FRMD4B: variants seen among roughly 807,000 people sequenced by gnomAD.
The protein encoded by FRMD4B is FERM domain-containing protein 4B.
In FRMD4B, 74 loss-of-function variants were observed where a neutral mutation model predicts 141.5. The observed-to-expected ratio is 0.52, with a 90% CI of 0.43 to 0.63. The LOEUF (loss-of-function observed/expected upper bound fraction) is 0.63. Ranked by LOEUF, FRMD4B falls within the 30% of genes least tolerant of loss-of-function variation. The pLI is 0.00. For synonymous variants in FRMD4B, 506 were observed against 467.9 expected (o/e 1.08, Z -1.05); for missense variants, 1,366 against 1,253.4 (o/e 1.09, Z -1.36).
At chr3:69,172,048 C>G in intron 22 of FRMD4B, 67 bp from the exon 23 acceptor site, 1 of 1,493,622 alleles carries the variant, frequency 6.7e-7, no homozygotes, top group Non-Finnish European at 9.3e-7. Flanking sequence ...ACAAAGACTA[C>G]TACATTTAAA....
intron 10 of FRMD4B, among the ~76,000 whole-genome samples, chr3:69,217,791 A>G (rs2093156397): frequency 6.6e-6 from 1 of 152,166 alleles, no homozygotes; most frequent in Admixed American, 6.5e-5. Context: ...TTCTCTTCCA[A>G]ACAAGATATC....
chr3:69,464,857 G>A (rs1159390438), intron 1 of FRMD4B, among the ~76,000 whole-genome samples: 1 of 152,120 alleles, frequency 6.6e-6, no homozygotes, highest in Non-Finnish European at 1.5e-5. Context: ...AATGAAATTA[G>A]CAAAATCCAG....
chr3:69,505,205 A>AT (rs111908302), intron 1 of FRMD4B, among the ~76,000 whole-genome samples: 45,251 of 151,644 alleles, frequency 0.3, 7,041 homozygotes, highest in African/African-American at 0.37. Flanking sequence ...CCCCATCTCT[A>AT]CAAAAAATTA....
intron 16 of FRMD4B, 125 bp downstream of exon 16, chr3:69,194,897 C>T (rs565243401): frequency 2.5e-5 from 20 of 792,176 alleles, no homozygotes; most frequent in Non-Finnish European, 3.7e-5. Context: ...TTGGTCTACA[C>T]GATCCATCTG....
intron 1 of FRMD4B, among the ~76,000 whole-genome samples, chr3:69,320,188 T>C (rs183382684): frequency 2.0e-5 from 3 of 152,312 alleles, no homozygotes; most frequent in Admixed American, 1.3e-4. Context: ...AAATACCATA[T>C]TATTCAAATG....
intron 6 of FRMD4B, 113 bp from the exon 7 acceptor site, chr3:69,249,361 T>C (rs1236128209): frequency 2.9e-6 from 2 of 699,902 alleles, no homozygotes; most frequent in Non-Finnish European, 4.9e-6. Context: ...TTTTGAAGAG[T>C]GTTTCTCAGG....
In FRMD4B at chr3:69,470,516, A is replaced by G. The variant is rs146122096; in HGVS notation, c.-128-37755T>C. Among the ~76,000 whole-genome samples, 12 of 152,276 alleles carry G rather than the reference A, an allele frequency of 7.9e-5. No homozygotes were observed. The East Asian group carries it at 2.3e-3, about 29-fold the overall frequency. ...AAAGAGAAGTATGTCCAAAGAACAA[A>G]GAGGGTTTTATTTAGAAAGAAGAAA... On this transcript the variant is annotated intron_variant, in intron 1 of 5. Coordinates refer to the FRMD4B transcript ENST00000459638.
intron 1 of FRMD4B, among the ~76,000 whole-genome samples, chr3:69,466,461 T>C (rs1705787949): frequency 6.6e-6 from 1 of 152,202 alleles, no homozygotes; most frequent in Non-Finnish European, 1.5e-5. Flanking sequence ...ACAGTCCTTA[T>C]CTTTTGAGGA....
intron 5 of FRMD4B, among the ~76,000 whole-genome samples, chr3:69,286,415 C>T (rs1377293241): frequency 6.6e-6 from 1 of 152,126 alleles, no homozygotes; most frequent in Non-Finnish European, 1.5e-5. Flanking sequence ...GATTCTTATG[C>T]TACATGTGAA....
At chr3:69,447,194 A>G (rs1025841157) in intron 1 of FRMD4B, among the ~76,000 whole-genome samples, 2 of 152,220 alleles carry the variant, frequency 1.3e-5, no homozygotes, top group African/African-American at 4.8e-5. Flanking sequence ...AAACAGTATC[A>G]TAATTTATAA....
intron 1 of FRMD4B, among the ~76,000 whole-genome samples, chr3:69,508,259 C>T (rs778622807): frequency 1.1e-4 from 17 of 151,912 alleles, no homozygotes; most frequent in South Asian, 4.1e-4. Flanking sequence ...TTTTATTAAA[C>T]GAGGTTAATA....
At chr3:69,462,578 C>T (rs1391805040) in intron 1 of FRMD4B, among the ~76,000 whole-genome samples, 1 of 152,222 alleles carries the variant, frequency 6.6e-6, no homozygotes, top group African/African-American at 2.4e-5. Context: ...GTGGTGGAGA[C>T]AGGATCTTGA....
At chr3:69,200,847 A>C (rs2092958648) in intron 11 of FRMD4B, 1 of 469,164 alleles carries the variant, frequency 2.1e-6, no homozygotes, top group South Asian at 1.5e-5. Flanking sequence ...AAGAGTTACA[A>C]TGCAGCTCAG....
chr3:69,468,111 G>A (rs1313507977), intron 1 of FRMD4B, among the ~76,000 whole-genome samples: 1 of 152,076 alleles, frequency 6.6e-6, no homozygotes, highest in South Asian at 2.1e-4. Flanking sequence ...AATTTTTCCT[G>A]CTACCTTACA....
Position 69,195,376 on chromosome 3 carries a change from G to A in FRMD4B, c.1235-12C>T, listed in dbSNP as rs1297228521. 2 of 1,594,890 alleles carry A rather than the reference G, an allele frequency of 1.3e-6. No homozygotes were observed. Among genetic ancestry groups the A allele is most frequent in the East Asian group, 4.5e-5 (2 of 44,814 alleles). On this transcript the variant is annotated splice_polypyrimidine_tract_variant and intron_variant, in intron 14 of 22. Transcript: ENST00000398540. Reference sequence around the variant, plus strand: ...TGAGTCTTGAGAACCTAGGGGATGAGGGAAGGGCAGGGAAGGTTTATACAA... The same window carrying A: ...TGAGTCTTGAGAACCTAGGGGATGAAGGAAGGGCAGGGAAGGTTTATACAA...
At chr3:69,422,803 A>G (rs1307599555) in intron 2 of FRMD4B, among the ~76,000 whole-genome samples, 1 of 148,806 alleles carries the variant, frequency 6.7e-6, no homozygotes, top group African/African-American at 2.5e-5. Flanking sequence ...TGAAAAAGGA[A>G]AAAAAAAACA....
intron 2 of FRMD4B, among the ~76,000 whole-genome samples, chr3:69,421,443 G>A (rs1488366206): frequency 6.6e-6 from 1 of 152,216 alleles, no homozygotes; most frequent in Non-Finnish European, 1.5e-5. Context: ...GGGGACTGGA[G>A]AGCACATGTT....
At chr3:69,335,521 A>G (rs945183604) in intron 1 of FRMD4B, among the ~76,000 whole-genome samples, 1 of 151,156 alleles carries the variant, frequency 6.6e-6, no homozygotes, top group Admixed American at 6.6e-5. Context: ...ACAGGCACGC[A>G]CCACCATGCC....
intron 11 of FRMD4B, among the ~76,000 whole-genome samples, chr3:69,213,351 A>G (rs1334659596): frequency 6.8e-6 from 1 of 147,442 alleles, no homozygotes; most frequent in African/African-American, 2.5e-5. Flanking sequence ...TGCCCTCATG[A>G]GTATTTCTTA....
Sources: allele counts gnomAD v4.1 joint callset (sites outside exome capture counted in the v4.1 genomes callset), GRCh38; gene constraint gnomAD v4.1.1; transcripts MANE v1.5; gene names NCBI Gene and HGNC (gene_info 2026-07-23, HGNC 2026-07-21).